Variants in TTC4 observed in about 807,000 individuals in gnomAD.
TTC4 encodes hsp70/Hsp90 co-chaperone CNS1 homolog.
In TTC4, 36 loss-of-function variants were observed where a neutral mutation model predicts 51.9. The ratio of observed to expected loss-of-function variants is 0.69; its 90% confidence interval spans 0.53 to 0.92. TTC4 has a LOEUF of 0.92. TTC4 is among the 40% of genes least tolerant of loss of function. The probability of loss-of-function intolerance (pLI) is 0.00; values close to 1 mark genes in which losing one functional copy is unlikely to be tolerated. For missense variants in TTC4, 399 were observed against 454.6 expected, an observed-to-expected ratio of 0.88 and a Z score of 1.11; for synonymous variants, 144 against 164.2, an observed-to-expected ratio of 0.88 and a Z score of 0.94.
In TTC4 at chr1:54,716,589, A is replaced by C. The variant is rs761119428; in HGVS notation, c.112-11A>C. ...AGCTTATTCATGTAGTTCATTCTTA[A>C]CCATTTACAGGAATTTGAAAAGGTC... On this transcript the variant is annotated splice_polypyrimidine_tract_variant and intron_variant, in intron 1 of 9. Coordinates refer to ENST00000371281, the MANE Select transcript of TTC4 (RefSeq NM_004623.5). 6.3e-7 allele frequency: 1 copy of C among 1,599,390 alleles called. No individual in the cohort carries two copies. Among genetic ancestry groups the C allele is most frequent in the South Asian group, 1.1e-5 (1 of 89,912 alleles).
chr1:54,730,139 A>G (rs1269653176), intron 6 of TTC4, among the ~76,000 whole-genome samples: 1 of 152,182 alleles, frequency 6.6e-6, no homozygotes, highest in Non-Finnish European at 1.5e-5. Flanking sequence ...CCCCACAACA[A>G]TCTGTTTACA....
chr1:54,731,536 C>T lies in TTC4; in HGVS notation c.732C>T (p.Ala244=), dbSNP rs752232561. The T allele has an allele frequency of 6.2e-7, 1 of 1,613,830 alleles. No homozygotes were observed. ...SEAACEDEDS[A]SEGLGELFLD... is the part of the protein sequence containing the mutation. ...CTGCCTGTGAGGATGAAGATTCAGC[C>T]TCAGAAGGTCTAGGTGAGCTTTTCC... Residue 244 remains alanine, a synonymous_variant, in exon 7 of 10, where the codon GCC becomes GCT. Transcript: ENST00000371281.
rs763923157 is a variant in TTC4 at position 54,721,151 on chromosome 1, G to T, written c.392-12G>T. ...CAAAACTTCTCTCTTTTACTAAACG[G>T]TGTTTTGTTAGGCAATTTTCGTTCT... On this transcript the variant is annotated splice_polypyrimidine_tract_variant and intron_variant, in intron 3 of 9. Transcript: ENST00000371281. The T allele has an allele frequency of 4.3e-6, 7 of 1,612,636 alleles. No homozygotes were observed. Among genetic ancestry groups the T allele is most frequent in the Non-Finnish European group, 5.9e-6 (7 of 1,179,104 alleles).
chr1:54,717,458 A>G, intron 2 of TTC4, 34 bp from the exon 3 acceptor site: 1 of 1,462,598 alleles, frequency 6.8e-7, no homozygotes, highest in Non-Finnish European at 9.0e-7. Flanking sequence ...TTTAAAAAGT[A>G]AGCAATAGTG....
intron 9 of TTC4, among the ~76,000 whole-genome samples, chr1:54,739,793 A>G (rs551836738): frequency 7.9e-5 from 12 of 152,362 alleles, no homozygotes; most frequent in African/African-American, 2.9e-4. Flanking sequence ...AGTTAGGGCC[A>G]TACACGAAGG....
chr1:54,733,823 A>T (rs1304233549), intron 8 of TTC4, 113 bp downstream of exon 8: 2 of 659,498 alleles, frequency 3.0e-6, no homozygotes, highest in African/African-American at 3.8e-5. Context: ...ATAGTAAAAT[A>T]TACATGACAT....
intron 9 of TTC4, 31 bp downstream of exon 9, chr1:54,737,695 G>A (rs913123939): frequency 6.3e-7 from 1 of 1,597,976 alleles, no homozygotes; most frequent in Non-Finnish European, 8.6e-7. Flanking sequence ...GAGTAGATTG[G>A]GGAAGATGCT....
intron 8 of TTC4, among the ~76,000 whole-genome samples, chr1:54,735,561 C>T (rs1260236613): frequency 6.6e-6 from 1 of 152,128 alleles, no homozygotes; most frequent in Non-Finnish European, 1.5e-5. Flanking sequence ...AGAAGTGATG[C>T]TGTATTCTCA....
intron 8 of TTC4, among the ~76,000 whole-genome samples, chr1:54,736,219 AGAG>A (rs1403712130): frequency 1.8e-5 from 2 of 112,502 alleles, no homozygotes; most frequent in South Asian, 3.6e-4. Context: ...AGAGAGAGAG[AGAG>A]AAGAGGAGAG....
At chr1:54,732,693 C>T (rs1224311501) in intron 7 of TTC4, among the ~76,000 whole-genome samples, 2 of 151,750 alleles carry the variant, frequency 1.3e-5, no homozygotes, top group Non-Finnish European at 2.9e-5. Flanking sequence ...CTCCTGGGCT[C>T]GAATGTTCCT....
At chr1:54,724,222 A>T (rs1404480064) in intron 5 of TTC4, among the ~76,000 whole-genome samples, 2 of 151,930 alleles carry the variant, frequency 1.3e-5, no homozygotes, top group Non-Finnish European at 2.9e-5. Flanking sequence ...GACAGAGTAG[A>T]CTTCAAGGCA....
intron 4 of TTC4, among the ~76,000 whole-genome samples, chr1:54,722,461 C>G (rs935181619): frequency 6.6e-6 from 1 of 152,152 alleles, no homozygotes; most frequent in South Asian, 2.1e-4. Context: ...GGGAGACTTA[C>G]AGGAGTTTTG....
intron 8 of TTC4, among the ~76,000 whole-genome samples, chr1:54,736,459 C>T (rs1347041363): frequency 6.6e-6 from 1 of 151,976 alleles, no homozygotes; most frequent in African/African-American, 2.4e-5. Flanking sequence ...CAAGATCAAC[C>T]TCCTGGGCTC....
intron 5 of TTC4, among the ~76,000 whole-genome samples, chr1:54,727,853 C>T (rs1645820143): frequency 6.6e-6 from 1 of 152,046 alleles, no homozygotes. Context: ...GACACTTCTC[C>T]AAAGACACAC....
Position 54,722,760 on chromosome 1 carries a change from G to A in TTC4, c.555G>A (p.Lys185=). The change falls in exon 5 of 10, where the codon AAG becomes AAA. Residue 185 remains lysine (K), a synonymous_variant. Transcript: ENST00000371281. ...DEGLQIDAKE[K]KLLEMRAKAD... Reference sequence around the variant, plus strand: ...GACTGCAAATAGATGCCAAAGAGAAGAAGCTTCTGGAAATGAGGGCTAAAG... The same window carrying A: ...GACTGCAAATAGATGCCAAAGAGAAAAAGCTTCTGGAAATGAGGGCTAAAG... The A allele has an allele frequency of 6.2e-7, 1 of 1,614,010 alleles. No homozygotes were observed. The highest frequency in any genetic ancestry group is 2.2e-5 in the East Asian group (1 of 44,868).
Position 54,731,653 on chromosome 1 carries a change from A to G in TTC4, c.849A>G (p.Pro283=). The G allele has an allele frequency of 6.2e-7, 1 of 1,614,120 alleles. No homozygotes were observed. The highest frequency in any genetic ancestry group is 8.5e-7 in the Non-Finnish European group (1 of 1,180,018). ...RLSWPVLFLY[P]EYAQSDFISA... is the part of the protein sequence containing the mutation. ...GCTGGCCTGTGCTCTTTCTGTACCC[A>G]GAGTATGCCCAGTCGGACTTCATCT... Residue 283 remains proline (P), a synonymous_variant, in exon 7 of 10, where the codon CCA becomes CCG. Transcript: ENST00000371281.
intron 8 of TTC4, among the ~76,000 whole-genome samples, chr1:54,736,223 A>AGAGAGAAGAGG (rs71048706): frequency 1.1e-5 from 1 of 87,738 alleles, no homozygotes; most frequent in African/African-American, 5.6e-5. Flanking sequence ...AGAGAGAGAG[A>AGAGAGAAGAGG]AGAGGAGAGG....
At chr1:54,741,335 A>C in intron 9 of TTC4, 76 bp from the exon 10 acceptor site, 1 of 1,209,144 alleles carries the variant, frequency 8.3e-7, no homozygotes. Flanking sequence ...CTCACCTTGC[A>C]TGTTGTTAGG....
chr1:54,721,391 A>G (rs1012207575), intron 4 of TTC4, 151 bp downstream of exon 4: 7 of 596,326 alleles, frequency 1.2e-5, no homozygotes, highest in Non-Finnish European at 2.0e-5. Context: ...TTCCTCAGAG[A>G]GTGACTTAAC....
Sources: gnomAD v4.1 joint callset for allele counts (sites outside exome capture counted in the v4.1 genomes callset) on GRCh38, gnomAD v4.1.1 for gene constraint, MANE v1.5 for transcripts, NCBI Gene and HGNC (gene_info 2026-07-23, HGNC 2026-07-21) for gene names.